DYNC1H1: variants seen among roughly 807,000 people sequenced by gnomAD.
DYNC1H1 encodes cytoplasmic dynein 1 heavy chain 1.
DYNC1H1 carries 51 observed loss-of-function variants against 527.1 expected under a neutral mutation model. The observed-to-expected ratio is 0.10, with a 90% CI of 0.08 to 0.12. DYNC1H1 has a LOEUF of 0.12. Among genes scored for constraint, DYNC1H1 ranks in the 10% least tolerant of loss-of-function variants. DYNC1H1 has a pLI of 1.00. For missense variants in DYNC1H1, 2,771 were observed against 5,971.8 expected (o/e 0.46, Z 17.66); for synonymous variants, 2,189 against 2,278.8 (o/e 0.96, Z 1.12).
chr14:102,017,332 T>G lies in DYNC1H1; in HGVS notation c.8055+38T>G. The G allele has an allele frequency of 1.2e-6, 2 of 1,614,234 alleles. No individual in the cohort carries two copies. The highest frequency in any genetic ancestry group is 1.6e-4 in the Middle Eastern group (1 of 6,062). On this transcript the variant is annotated intron_variant, in intron 39 of 77. Coordinates refer to ENST00000360184, the MANE Select transcript of DYNC1H1 (RefSeq NM_001376.5). This position sits in a 1 kb window ranked among gnomAD's most constrained non-coding sequence, Gnocchi z 4.6. ...CCACAAGGCCCTTCCTGCCCCACAA[T>G]GTTTCTTGTTCAAGTTTTGCTCTTA...
At chr14:101,989,216 A>G (rs946110651) in intron 10 of DYNC1H1, among the ~76,000 whole-genome samples, 12 of 152,266 alleles carry the variant, frequency 7.9e-5, no homozygotes, top group Non-Finnish European at 1.5e-4. Flanking sequence ...ATTTTAGGAA[A>G]AAAACTACAC....
chr14:102,050,347 C>G, intron 77 of DYNC1H1, 88 bp from the exon 78 acceptor site: 2 of 1,612,464 alleles, frequency 1.2e-6, no homozygotes, highest in Non-Finnish European at 1.7e-6. Context: ...CAAACCTCTC[C>G]TTGCCGGGCC....
intron 51 of DYNC1H1, among the ~76,000 whole-genome samples, chr14:102,031,143 A>C (rs986617790): frequency 6.6e-6 from 1 of 152,224 alleles, no homozygotes; most frequent in Non-Finnish European, 1.5e-5. Flanking sequence ...AATTTAATGT[A>C]GTTCTCACCT....
chr14:102,045,662 A>G (rs895636240), intron 72 of DYNC1H1, among the ~76,000 whole-genome samples: 3 of 152,238 alleles, frequency 2.0e-5, no homozygotes, highest in Non-Finnish European at 2.9e-5. Context: ...AGAGTTGAAA[A>G]GTACCTGATA....
chr14:101,980,338 C>A lies in DYNC1H1; in HGVS notation c.775-26C>A, dbSNP rs755612324. 4.3e-6 allele frequency: 7 copies of A among 1,612,548 alleles called. No individual in the cohort carries two copies. The South Asian group carries it at 5.5e-5, about 13-fold the overall frequency. On this transcript the variant is annotated intron_variant, in intron 4 of 77. Transcript: ENST00000360184. ...TCTACCTTGTTTAAATAGTGAATAC[C>A]CTTGGGTGTTATTTTATTTTCAAAG...
intron 51 of DYNC1H1, chr14:102,030,506 C>T: frequency 1.7e-6 from 1 of 577,934 alleles, no homozygotes; most frequent in South Asian, 2.1e-5. Context: ...CATAGTGAAA[C>T]CCCTCTCATA....
In DYNC1H1 at chr14:102,010,693, T is replaced by C; in HGVS notation, c.6406-47T>C. On this transcript the variant is annotated intron_variant, in intron 31 of 77. Coordinates refer to ENST00000360184, the MANE Select transcript of DYNC1H1 (RefSeq NM_001376.5). The surrounding 1 kb of genome is among the most constrained non-coding windows in gnomAD (Gnocchi z 6.0). ...CACCTCCTGGGGATGCAGCGGGCAGTACTTGAGCCATGCTGCGCTGCTCAC... is the reference window on the plus strand; with the variant it reads ...CACCTCCTGGGGATGCAGCGGGCAGCACTTGAGCCATGCTGCGCTGCTCAC... The C allele has an allele frequency of 1.2e-6, 2 of 1,607,792 alleles. No homozygotes were observed. Among genetic ancestry groups the C allele is most frequent in the Non-Finnish European group, 1.7e-6 (2 of 1,176,250 alleles).
chr14:102,017,821 T>TGA lies in DYNC1H1; in HGVS notation c.8177+317_8177+318insGA, dbSNP rs2048341550. On this transcript the variant is annotated intron_variant, in intron 40 of 77. Coordinates refer to ENST00000360184, the MANE Select transcript of DYNC1H1 (RefSeq NM_001376.5). The surrounding 1 kb of genome is among the most constrained non-coding windows in gnomAD (Gnocchi z 4.6). ...CTCTACTGAAAATACAAAAACAAAA[T>TGA]TAAGGCCGGGCGTGGTGGCTTACGC... The TGA allele has an allele frequency of 8.7e-6, 3 of 344,478 alleles. No individual in the cohort carries two copies. The highest frequency in any genetic ancestry group is 4.3e-5 in the Admixed American group (1 of 23,288). 21.3% of individuals were successfully genotyped at this position (344,478 alleles called of 1,614,324 possible). A position where few individuals can be genotyped will look rare whatever the true frequency, so the allele number is the denominator to read the frequency against.
In DYNC1H1 at chr14:101,971,085, C is replaced by CTT. The variant is rs780745783; in HGVS notation, c.257-4598_257-4597dup. 3.5e-3 allele frequency among the ~76,000 whole-genome samples: 225 copies of CTT among 64,088 alleles called. 27 individuals carry two copies. Among genetic ancestry groups the CTT allele is most frequent in the Middle Eastern group, 0.011 (1 of 94 alleles). The allele number at this position is 64,088 out of a possible 152,430, so 42.0% of individuals were successfully genotyped here. ...CTACTCAGGAGAGGGCCGTATCATT[C>CTT]TTTTTTTTTTTTTTTTTTTTTTTTT... On this transcript the variant is annotated intron_variant, in intron 1 of 77. Transcript: ENST00000360184.
At chr14:102,013,568 G>A (rs1388247609) in intron 34 of DYNC1H1, among the ~76,000 whole-genome samples, 1 of 152,130 alleles carries the variant, frequency 6.6e-6, no homozygotes, top group Non-Finnish European at 1.5e-5. Flanking sequence ...GAAGCGGAGA[G>A]GACTGGGGAG....
At chr14:102,031,400 A>G (rs747145105) in intron 51 of DYNC1H1, among the ~76,000 whole-genome samples, 32 of 151,880 alleles carry the variant, frequency 2.1e-4, no homozygotes, top group Admixed American at 1.3e-4. Context: ...ACACCCAGCT[A>G]ATTTTTGTAT....
At chr14:101,998,879 C>CTTTTTTTTTTTTTTTTTTTT (rs888317854) in intron 16 of DYNC1H1, among the ~76,000 whole-genome samples, 22 of 115,208 alleles carry the variant, frequency 1.9e-4, no homozygotes, top group African/African-American at 8.3e-4. Flanking sequence ...AAAACTTTTT[C>CTTTTTTTTTTTTTTTTTTTT]TTTTTTTTTT....
rs896490942 is a variant in DYNC1H1, at chr14:102,049,204, C to G, written c.13373-236C>G. 1.8e-4 allele frequency: 109 copies of G among 595,434 alleles called. No homozygotes were observed. Among genetic ancestry groups the G allele is most frequent in the Non-Finnish European group, 2.9e-4 (99 of 335,786 alleles). 36.9% of individuals were successfully genotyped at this position (595,434 alleles called of 1,614,324 possible). On this transcript the variant is annotated intron_variant, in intron 74 of 77. Transcript: ENST00000360184. The surrounding 1 kb of genome is among the most constrained non-coding windows in gnomAD (Gnocchi z 5.5). The stretch of plus-strand genomic sequence containing the variant: ...GGTCCTCCAGAAAGACACACCTGGA[C>G]TAATTTGACCCTAGAAACTGCACGG...
intron 5 of DYNC1H1, among the ~76,000 whole-genome samples, chr14:101,981,110 T>C (rs2047859010): frequency 6.6e-6 from 1 of 152,164 alleles, no homozygotes; most frequent in Non-Finnish European, 1.5e-5. Context: ...TGTTTTTTTC[T>C]TTTTAAAATT....
chr14:101,972,119 T>G (rs1032469550), intron 1 of DYNC1H1, among the ~76,000 whole-genome samples: 2 of 152,196 alleles, frequency 1.3e-5, no homozygotes, highest in African/African-American at 4.8e-5. Context: ...ACGTGCAGAT[T>G]GTGTTTGTAG....
At position 102,042,023 on chromosome 14, in the gene DYNC1H1, A is replaced by G. The variant is rs768853660; in HGVS notation, c.12113A>G (p.Asn4038Ser). 8.7e-6 allele frequency: 14 copies of G among 1,614,004 alleles called. No homozygotes were observed. Among genetic ancestry groups the G allele is most frequent in the Middle Eastern group, 1.6e-4 (1 of 6,084 alleles). Residue 4038 changes from asparagine (N) to serine (S), a missense_variant, in exon 66 of 78, where the codon AAC (asparagine) becomes AGC (serine). By Grantham distance (46) the Asn-to-Ser change is conservative (BLOSUM62 1). This residue lies in a region of DYNC1H1 where 195 missense variants were observed against 428.6 expected (regional missense o/e 0.45). Transcript: ENST00000360184. The surrounding 1 kb of genome is among the most constrained non-coding windows in gnomAD (Gnocchi z 5.7). Reference sequence around the variant, plus strand: ...CTTCTTTGTTTGCAGGTGAAGCCCAACACTCCTGTCTTAATGTGCTCTGTG... The same window carrying G: ...CTTCTTTGTTTGCAGGTGAAGCCCAGCACTCCTGTCTTAATGTGCTCTGTG... ...THIVGTEVKPNTPVLMCSVPG... is the reference protein window; with the variant it reads ...THIVGTEVKPSTPVLMCSVPG...
rs377506256 is a variant in DYNC1H1, at chr14:102,005,030, T to C, written c.5239-12T>C. ...AAATGATCCTTTGGGATCTTGTTTC[T>C]GTGTCTTTCAGGCCCAGCTTGTGGT... On this transcript the variant is annotated splice_polypyrimidine_tract_variant and intron_variant, in intron 25 of 77. Transcript: ENST00000360184. The surrounding 1 kb of genome is among the most constrained non-coding windows in gnomAD (Gnocchi z 4.0). The C allele has an allele frequency of 5.0e-5, 81 of 1,614,148 alleles. No homozygotes were observed. In the Admixed American group the frequency reaches 1.3e-3, roughly 27 times the overall value.
chr14:102,034,329 G>A lies in DYNC1H1; in HGVS notation c.10631G>A (p.Arg3544His), dbSNP rs761216533. The A allele has an allele frequency of 6.2e-6, 10 of 1,614,226 alleles. No homozygotes were observed. Among genetic ancestry groups the A allele is most frequent in the Admixed American group, 1.7e-5 (1 of 60,028 alleles). ...GGTAACGGCCTTGCCTTTCAGTTCC[G>A]TACAGATATTGCCAGGACGGAATAC... ...HHLQQANIQF[R>H]TDIARTEYLS... The change falls in exon 56 of 78, where the codon CGT becomes CAT. Residue 3544 changes from arginine (R) to histidine (H), a missense_variant. Physicochemically the swap from Arg to His is conservative, Grantham distance 29. Around this residue, in one of 32 missense-constraint regions of DYNC1H1, gnomAD observed 283 missense variants for 737.6 expected, o/e 0.38. Coordinates refer to ENST00000360184, the MANE Select transcript of DYNC1H1 (RefSeq NM_001376.5).
Position 102,017,983 on chromosome 14 carries a change from G to T in DYNC1H1, c.8178-468G>T, listed in dbSNP as rs2048344469. ...TAGCCAGGCATGGTGGCAGGTGCCT[G>T]TAGTCCCAGCTACTTGGGAGGCTGA... On this transcript the variant is annotated intron_variant, in intron 40 of 77. Transcript: ENST00000360184. This position sits in a 1 kb window ranked among gnomAD's most constrained non-coding sequence, Gnocchi z 4.6. The T allele has an allele frequency of 1.1e-5, 3 of 274,294 alleles. No homozygotes were observed. The South Asian group carries it at 1.2e-4, about 11-fold the overall frequency. The allele number at this position is 274,294 out of a possible 1,614,324, so 17.0% of individuals were successfully genotyped here. A position where few individuals can be genotyped will look rare whatever the true frequency, so the allele number is the denominator to read the frequency against.
Sources: allele counts gnomAD v4.1 joint callset (sites outside exome capture counted in the v4.1 genomes callset), GRCh38; gene constraint gnomAD v4.1.1; regional missense constraint gnomAD v4.1.1; non-coding constraint Gnocchi (gnomAD v3.1); transcripts MANE v1.5; gene names NCBI Gene and HGNC (gene_info 2026-07-23, HGNC 2026-07-21).